The following OSBP2 variants were observed in gnomAD, a reference collection of about 807,000 sequenced individuals.
The protein encoded by OSBP2 is oxysterol-binding protein 2.
A neutral mutation model predicts 96.0 loss-of-function variants in OSBP2; 66 were observed. The observed-to-expected ratio is 0.69, with a 90% CI of 0.56 to 0.84. The LOEUF (loss-of-function observed/expected upper bound fraction) is 0.84, where lower values mean the gene tolerates loss of function less well. OSBP2 is among the 40% of genes least tolerant of loss of function. The pLI is 0.00. For synonymous variants in OSBP2, 525 were observed against 520.9 expected, an observed-to-expected ratio of 1.01 and a Z score of -0.11; for missense variants, 1,038 against 1,222.7, an observed-to-expected ratio of 0.85 and a Z score of 2.25.
intron 1 of OSBP2, among the ~76,000 whole-genome samples, chr22:30,723,431 T>C (rs894456989): frequency 6.6e-6 from 1 of 151,624 alleles, no homozygotes; most frequent in Non-Finnish European, 1.5e-5. Context: ...TTATTTTTCC[T>C]GAGACAGAGT....
intron 2 of OSBP2, among the ~76,000 whole-genome samples, chr22:30,869,695 C>T (rs1047099271): frequency 6.6e-6 from 1 of 152,134 alleles, no homozygotes; most frequent in Non-Finnish European, 1.5e-5. Flanking sequence ...GCCACTATGC[C>T]CGGCTAATTT....
chr22:30,811,206 G>A (rs2091001861), intron 2 of OSBP2, among the ~76,000 whole-genome samples: 1 of 144,618 alleles, frequency 6.9e-6, no homozygotes, highest in Non-Finnish European at 1.5e-5. Flanking sequence ...AGATTGTACT[G>A]TACATACTGA....
At chr22:30,752,501 A>G (rs976810125) in intron 2 of OSBP2, among the ~76,000 whole-genome samples, 2 of 151,650 alleles carry the variant, frequency 1.3e-5, no homozygotes, top group African/African-American at 2.4e-5. Context: ...GGTGTTACCC[A>G]GGATGGTCTC....
intron 1 of OSBP2, among the ~76,000 whole-genome samples, chr22:30,727,689 T>A (rs923471251): frequency 2.0e-5 from 3 of 152,196 alleles, no homozygotes; most frequent in Non-Finnish European, 4.4e-5. Context: ...CCTGTTTTTT[T>A]AAATATAAAC....
Position 30,843,452 on chromosome 22 carries a change from C to A in OSBP2, c.854-26977C>A, listed in dbSNP as rs201910932. On this transcript the variant is annotated intron_variant, in intron 2 of 13. Coordinates refer to ENST00000332585, the MANE Select transcript of OSBP2 (RefSeq NM_030758.4). ...ACGTTTTCAGGAATCTTTCCCCCCT[C>A]CCCCTTGAGCAATAGGTCCTGACAG... 4.7e-3 allele frequency among the ~76,000 whole-genome samples: 392 copies of A among 83,808 alleles called. 3 individuals carry two copies. Among genetic ancestry groups the A allele is most frequent in the African/African-American group, 0.021 (384 of 18,166 alleles). The allele number at this position is 83,808 out of a possible 152,430, so 55.0% of individuals were successfully genotyped here. A position where few individuals can be genotyped will look rare whatever the true frequency, so the allele number is the denominator to read the frequency against.
intron 2 of OSBP2, among the ~76,000 whole-genome samples, chr22:30,791,321 C>CTTTTT (rs869143598): frequency 2.8e-4 from 18 of 64,006 alleles, no homozygotes; most frequent in Admixed American, 7.8e-4. Context: ...GGGGATTCTT[C>CTTTTT]TTTTTTTTTT....
chr22:30,756,697 AC>A (rs995278558), intron 2 of OSBP2, among the ~76,000 whole-genome samples: 16 of 152,130 alleles, frequency 1.1e-4, no homozygotes, highest in African/African-American at 3.9e-4. Flanking sequence ...CATTAAAAAA[AC>A]AAAACAAACA....
At chr22:30,724,007 C>T (rs981354771) in intron 1 of OSBP2, among the ~76,000 whole-genome samples, 1 of 152,142 alleles carries the variant, frequency 6.6e-6, no homozygotes, top group African/African-American at 2.4e-5. Context: ...AGTATTTTCA[C>T]TGCCCTAAAA....
intron 2 of OSBP2, among the ~76,000 whole-genome samples, chr22:30,824,697 A>C (rs1315769122): frequency 6.6e-6 from 1 of 152,120 alleles, no homozygotes; most frequent in Admixed American, 6.5e-5. Flanking sequence ...GTGAGGTGTC[A>C]CCGCACACAA....
At chr22:30,713,363 A>G (rs1416047533) in intron 1 of OSBP2, among the ~76,000 whole-genome samples, 1 of 152,126 alleles carries the variant, frequency 6.6e-6, no homozygotes, top group Admixed American at 6.5e-5. Context: ...GGCGTGAGCC[A>G]CTGCACCCAG....
At chr22:30,863,002 ACTTGGGGT>A in intron 2 of OSBP2, among the ~76,000 whole-genome samples, 1 of 151,240 alleles carries the variant, frequency 6.6e-6, no homozygotes, top group Non-Finnish European at 1.5e-5. Context: ...TAATCAACAG[ACTTGGGGT>A]CTTGGGCAGG....
intron 2 of OSBP2, among the ~76,000 whole-genome samples, chr22:30,793,192 C>T (rs1181058612): frequency 6.6e-6 from 1 of 152,002 alleles, no homozygotes; most frequent in African/African-American, 2.4e-5. Flanking sequence ...GAGTTCAAGA[C>T]CAGCCTGGTC....
intron 3 of OSBP2, among the ~76,000 whole-genome samples, chr22:30,876,639 C>A (rs2039586392): frequency 1.3e-5 from 2 of 152,220 alleles, no homozygotes; most frequent in Admixed American, 1.3e-4. Context: ...AACACCCATG[C>A]CCCAGCTCCT....
At position 30,741,361 on chromosome 22, in the gene OSBP2, C is replaced by G; in HGVS notation, c.845C>G (p.Thr282Ser). Residue 282 changes from threonine to serine, a missense_variant, in exon 2 of 14, where the codon ACT becomes AGT. This residue lies in a region of OSBP2 where 737 missense variants were observed against 913.3 expected (regional missense o/e 0.81). Coordinates refer to ENST00000332585, the MANE Select transcript of OSBP2 (RefSeq NM_030758.4). The stretch of plus-strand genomic sequence containing the variant: ...GCCAAGGCTGTCCGCGTGATGAACA[C>G]TCATTCAGGTAGTGAGCACTTGGGA... Reference protein sequence around the residue: ...AKAKAVRVMNTHSDDSGDDDE... With the variant: ...AKAKAVRVMNSHSDDSGDDDE... The G allele has an allele frequency of 6.2e-7, 1 of 1,608,156 alleles. No individual in the cohort carries two copies. The highest frequency in any genetic ancestry group is 1.1e-5 in the South Asian group (1 of 90,910).
At chr22:30,840,054 C>CTT (rs1313548284) in intron 2 of OSBP2, among the ~76,000 whole-genome samples, 2 of 109,296 alleles carry the variant, frequency 1.8e-5, no homozygotes, top group Non-Finnish European at 4.0e-5. Context: ...TTTCAGCTTT[C>CTT]TTTTTTTTTT....
chr22:30,706,143 C>T (rs1171140311), intron 1 of OSBP2, among the ~76,000 whole-genome samples: 1 of 152,100 alleles, frequency 6.6e-6, no homozygotes, highest in African/African-American at 2.4e-5. Context: ...TGGTAAGAAA[C>T]ACCTCTGAAC....
At chr22:30,703,437 G>A (rs1414766254) in intron 1 of OSBP2, among the ~76,000 whole-genome samples, 3 of 150,160 alleles carry the variant, frequency 2.0e-5, no homozygotes, top group Non-Finnish European at 4.4e-5. Context: ...GCCTCCCAAA[G>A]TGTTGGGATT....
At chr22:30,758,363 T>C (rs748757933) in intron 2 of OSBP2, among the ~76,000 whole-genome samples, 1 of 152,172 alleles carries the variant, frequency 6.6e-6, no homozygotes, top group Non-Finnish European at 1.5e-5. Flanking sequence ...ATGGCACCAC[T>C]GCATTCCAGC....
At chr22:30,865,476 AC>A (rs1417461856) in intron 2 of OSBP2, among the ~76,000 whole-genome samples, 1 of 151,996 alleles carries the variant, frequency 6.6e-6, no homozygotes, top group African/African-American at 2.4e-5. Context: ...CGCTGAAGAT[AC>A]AAAAATTAGC....
Sources: gnomAD v4.1 joint callset for allele counts (sites outside exome capture counted in the v4.1 genomes callset) on GRCh38, gnomAD v4.1.1 for gene constraint, gnomAD v4.1.1 regional missense constraint, MANE v1.5 for transcripts, NCBI Gene and HGNC (gene_info 2026-07-23, HGNC 2026-07-21) for gene names.